Variants in SPTBN1 observed in about 807,000 individuals in gnomAD.
SPTBN1 encodes the protein spectrin beta, non-erythrocytic 1.
A neutral mutation model predicts 266.4 loss-of-function variants in SPTBN1; 32 were observed. The ratio of observed to expected loss-of-function variants is 0.12; its 90% confidence interval spans 0.09 to 0.16. The LOEUF (loss-of-function observed/expected upper bound fraction) is 0.16. Among genes scored for constraint, SPTBN1 ranks in the 10% least tolerant of loss-of-function variants. The pLI, the probability that SPTBN1 is intolerant of heterozygous loss-of-function variation, is 1.00. For synonymous variants in SPTBN1, 1,336 were observed against 1,162.2 expected (o/e 1.15, Z -3.04); for missense variants, 2,296 against 3,067.1 (o/e 0.75, Z 5.94).
At chr2:54,480,066 C>T (rs2103926466) in intron 1 of SPTBN1, among the ~76,000 whole-genome samples, 1 of 152,242 alleles carries the variant, frequency 6.6e-6, no homozygotes, top group South Asian at 2.1e-4. Context: ...CAGATAAAGG[C>T]TCAGAAAGTA....
At chr2:54,563,776 G>T (rs956197613) in intron 2 of SPTBN1, among the ~76,000 whole-genome samples, 1 of 151,496 alleles carries the variant, frequency 6.6e-6, no homozygotes, top group African/African-American at 2.4e-5. Context: ...GCTAATTTTT[G>T]CATTTTTAGT....
chr2:54,522,831 C>T (rs1289307580), intron 1 of SPTBN1, among the ~76,000 whole-genome samples: 2 of 151,958 alleles, frequency 1.3e-5, no homozygotes, highest in African/African-American at 4.8e-5. Flanking sequence ...GAGTCAGGTG[C>T]GGTGGATGTT....
chr2:54,480,680 G>A (rs1196280449), intron 1 of SPTBN1, among the ~76,000 whole-genome samples: 4 of 152,154 alleles, frequency 2.6e-5, no homozygotes, highest in Admixed American at 2.6e-4. Context: ...CATTGGAATG[G>A]ATGGTTGAGA....
At chr2:54,600,143 G>A (rs999577066) in intron 3 of SPTBN1, among the ~76,000 whole-genome samples, 6 of 152,198 alleles carry the variant, frequency 3.9e-5, no homozygotes, top group African/African-American at 1.4e-4. Context: ...CTTGCCAGCC[G>A]CAGTAGGCCT....
chr2:54,670,978 C>G lies in SPTBN1; in HGVS notation c.*2409C>G, dbSNP rs3820856. On this transcript the variant is annotated 3_prime_UTR_variant, in exon 36 of 36. Transcript: ENST00000356805. ...TTTTTGTTTTTTTTTTATTCTTCCA[C>G]TATCATGTTTTTTGAGGATTTTGCA... 2 of 395,964 alleles carry G rather than the reference C, an allele frequency of 5.1e-6. No individual in the cohort carries two copies. Among genetic ancestry groups the G allele is most frequent in the East Asian group, 7.1e-5 (2 of 28,022 alleles). The allele number at this position is 395,964 out of a possible 1,614,324, so 24.5% of individuals were successfully genotyped here.
intron 4 of SPTBN1, among the ~76,000 whole-genome samples, chr2:54,613,141 C>G (rs1156584499): frequency 6.6e-6 from 1 of 152,178 alleles, no homozygotes; most frequent in Non-Finnish European, 1.5e-5. Flanking sequence ...GGTTCTTTCT[C>G]CAGGCTCATG....
chr2:54,485,657 C>G (rs1416243637), intron 1 of SPTBN1, among the ~76,000 whole-genome samples: 1 of 151,984 alleles, frequency 6.6e-6, no homozygotes. Context: ...CGCCCATCGT[C>G]TGGGATGTGA....
At position 54,628,823 on chromosome 2, in the gene SPTBN1, A is replaced by T. The variant is rs1678532297; in HGVS notation, c.1799-110A>T. On this transcript the variant is annotated intron_variant, in intron 13 of 35. Coordinates refer to ENST00000356805, the MANE Select transcript of SPTBN1 (RefSeq NM_003128.3). This position sits in a 1 kb window ranked among gnomAD's most constrained non-coding sequence, Gnocchi z 4.3. Reference sequence around the variant, plus strand: ...GCATGGCCCTGCATTTACATTTAGCAGTGAGCTGGTAATCATAAGAATATG... The same window carrying T: ...GCATGGCCCTGCATTTACATTTAGCTGTGAGCTGGTAATCATAAGAATATG... The T allele has an allele frequency of 1.4e-6, 2 of 1,383,254 alleles. No homozygotes were observed. The highest frequency in any genetic ancestry group is 4.7e-5 in the East Asian group (2 of 43,002). The allele number at this position is 1,383,254 out of a possible 1,614,324, so 85.7% of individuals were successfully genotyped here. A position where few individuals can be genotyped will look rare whatever the true frequency, so the allele number is the denominator to read the frequency against.
rs775208788 is a variant in SPTBN1, at chr2:54,646,654, A to G, written c.4866+179A>G. On this transcript the variant is annotated intron_variant, in intron 23 of 35. Coordinates refer to ENST00000356805, the MANE Select transcript of SPTBN1 (RefSeq NM_003128.3). The surrounding 1 kb of genome is among the most constrained non-coding windows in gnomAD (Gnocchi z 4.4). ...GCTGCTGGTTTCCCTTTGGTGCAGC[A>G]TTTTCTTATCTGAATCCTAGTGTGC... 6.6e-6 allele frequency among the ~76,000 whole-genome samples: 1 copy of G among 152,178 alleles called. No homozygotes were observed. Among genetic ancestry groups the G allele is most frequent in the Non-Finnish European group, 1.5e-5 (1 of 68,032 alleles).
intron 3 of SPTBN1, among the ~76,000 whole-genome samples, chr2:54,611,346 A>G (rs1260633020): frequency 6.6e-6 from 1 of 152,162 alleles, no homozygotes; most frequent in African/African-American, 2.4e-5. Context: ...CTAAAGGTCA[A>G]CTGTGTATAT....
chr2:54,460,775 C>A (rs1447687225), intron 1 of SPTBN1, among the ~76,000 whole-genome samples: 2 of 152,160 alleles, frequency 1.3e-5, no homozygotes. Flanking sequence ...CGAGTGGGGG[C>A]GGATCACTTG....
intron 2 of SPTBN1, among the ~76,000 whole-genome samples, chr2:54,542,720 G>A (rs148869586): frequency 1.6e-4 from 25 of 152,294 alleles, no homozygotes; most frequent in Admixed American, 3.9e-4. Flanking sequence ...TTGTGGCTGA[G>A]GGCTTGAGAA....
intron 2 of SPTBN1, among the ~76,000 whole-genome samples, chr2:54,541,067 T>C (rs910039407): frequency 3.9e-5 from 6 of 152,254 alleles, no homozygotes; most frequent in African/African-American, 1.4e-4. Context: ...GCATGTTATT[T>C]AGCCAGTGTG....
At chr2:54,465,637 C>CATA (rs1433073794) in intron 1 of SPTBN1, among the ~76,000 whole-genome samples, 4,270 of 89,578 alleles carry the variant, frequency 0.048, 167 homozygotes, top group Non-Finnish European at 0.061. Context: ...TCATGTTTAT[C>CATA]TCATATATAT....
At chr2:54,467,840 T>TA (rs1481985368) in intron 1 of SPTBN1, among the ~76,000 whole-genome samples, 7 of 152,094 alleles carry the variant, frequency 4.6e-5, no homozygotes, top group Non-Finnish European at 1.0e-4. Context: ...TATACCATCA[T>TA]AAAGGCATAA....
At chr2:54,613,465 G>A (rs1340310875) in intron 4 of SPTBN1, among the ~76,000 whole-genome samples, 1 of 152,200 alleles carries the variant, frequency 6.6e-6, no homozygotes, top group Admixed American at 6.5e-5. Flanking sequence ...TTCAGTTAGT[G>A]TCGTGATTAT....
chr2:54,633,416 TGTGTGTGTGC>T (rs1291648033), intron 17 of SPTBN1, among the ~76,000 whole-genome samples: 1 of 143,146 alleles, frequency 7.0e-6, no homozygotes, highest in Non-Finnish European at 1.6e-5. Flanking sequence ...TACGTGTGTG[TGTGTGTGTGC>T]GTGTGTGTGT....
chr2:54,543,527 T>G (rs1013707343), intron 2 of SPTBN1, among the ~76,000 whole-genome samples: 5 of 151,956 alleles, frequency 3.3e-5, no homozygotes, highest in African/African-American at 1.2e-4. Flanking sequence ...TGCTGTGAAG[T>G]TTAGAGGGCA....
At chr2:54,667,527 G>T in intron 34 of SPTBN1, 77 bp from the exon 35 acceptor site, 1 of 1,394,388 alleles carries the variant, frequency 7.2e-7, no homozygotes, top group South Asian at 1.2e-5. Flanking sequence ...CTTCTGTCCT[G>T]CATGGGATAT....
Sources: gnomAD v4.1 joint callset for allele counts (sites outside exome capture counted in the v4.1 genomes callset) on GRCh38, gnomAD v4.1.1 for gene constraint, Gnocchi (gnomAD v3.1) non-coding constraint, MANE v1.5 for transcripts, NCBI Gene and HGNC (gene_info 2026-07-23, HGNC 2026-07-21) for gene names.